Variants in ABI2 observed in about 807,000 individuals in gnomAD.
The protein encoded by ABI2 is abelson interactor 2.
Under a neutral mutation model 59.2 loss-of-function variants are expected in ABI2, and 25 were observed. The observed-to-expected ratio is 0.42, with a 90% CI of 0.31 to 0.59. The LOEUF is 0.59. Ranked by LOEUF, ABI2 falls within the 20% of genes least tolerant of loss-of-function variation. ABI2 has a pLI of 0.14. For missense variants in ABI2, 545 were observed against 681.8 expected, an observed-to-expected ratio of 0.80 and a Z score of 2.23; for synonymous variants, 213 against 235.5, an observed-to-expected ratio of 0.90 and a Z score of 0.87.
chr2:203,360,390 T>C (rs574749020), intron 1 of ABI2, among the ~76,000 whole-genome samples: 35 of 152,150 alleles, frequency 2.3e-4, no homozygotes, highest in Middle Eastern at 6.8e-3. Context: ...GGCGAAGTGT[T>C]GGGTGGAGCA....
Position 203,427,576 on chromosome 2 carries a change from A to G in ABI2, c.*224A>G. 2.3e-6 allele frequency: 1 copy of G among 430,570 alleles called. No homozygotes were observed. The highest frequency in any genetic ancestry group is 4.2e-6 in the Non-Finnish European group (1 of 240,718). The allele number at this position is 430,570 out of a possible 1,614,324, so 26.7% of individuals were successfully genotyped here. A position where few individuals can be genotyped will look rare whatever the true frequency, so the allele number is the denominator to read the frequency against. The stretch of plus-strand genomic sequence containing the variant: ...TACAATGCTGAGCTGTCTGGATTGA[A>G]ATAAAATGACCATTTTTATGTATGT... On this transcript the variant is annotated 3_prime_UTR_variant, in exon 12 of 12. Transcript: ENST00000261018.
intron 1 of ABI2, among the ~76,000 whole-genome samples, chr2:203,335,052 A>C (rs935036427): frequency 6.6e-5 from 10 of 152,064 alleles, no homozygotes; most frequent in African/African-American, 1.2e-4. Flanking sequence ...AACACATTCT[A>C]TTTTGGATTT....
intron 11 of ABI2, among the ~76,000 whole-genome samples, chr2:203,424,111 A>G (rs868157020): frequency 1.3e-5 from 2 of 152,346 alleles, no homozygotes; most frequent in Middle Eastern, 6.8e-3. Flanking sequence ...GGAAAAAGTG[A>G]CTTTCTTCCC....
chr2:203,345,620 T>C (rs532596134), intron 1 of ABI2, among the ~76,000 whole-genome samples: 33 of 151,920 alleles, frequency 2.2e-4, no homozygotes, highest in African/African-American at 7.2e-4. Context: ...TCTTGGCCAG[T>C]CTGGTCTCGA....
At chr2:203,354,577 G>T (rs984343700) in intron 1 of ABI2, among the ~76,000 whole-genome samples, 1 of 152,220 alleles carries the variant, frequency 6.6e-6, no homozygotes, top group Non-Finnish European at 1.5e-5. Context: ...TTTTGTAGAT[G>T]CTGTGGCAAA....
chr2:203,359,383 C>T (rs1048388392), intron 1 of ABI2, among the ~76,000 whole-genome samples: 2 of 152,038 alleles, frequency 1.3e-5, no homozygotes, highest in Non-Finnish European at 1.5e-5. Flanking sequence ...TTAGAGTATT[C>T]AGCCTGTAGT....
At chr2:203,374,325 C>A (rs1008541914) in intron 2 of ABI2, among the ~76,000 whole-genome samples, 3 of 151,748 alleles carry the variant, frequency 2.0e-5, no homozygotes, top group South Asian at 4.2e-4. Context: ...CATAGTGAAA[C>A]CCTGTCGCTA....
intron 1 of ABI2, among the ~76,000 whole-genome samples, chr2:203,352,709 T>C (rs1344001516): frequency 2.6e-5 from 4 of 151,998 alleles, no homozygotes. Flanking sequence ...AGAGAGAAAA[T>C]TTAAGAAATA....
At chr2:203,415,970 A>G (rs1035625807) in intron 10 of ABI2, among the ~76,000 whole-genome samples, 1 of 152,234 alleles carries the variant, frequency 6.6e-6, no homozygotes, top group African/African-American at 2.4e-5. Flanking sequence ...TAGCCTGAAG[A>G]AATTCTGAAT....
At chr2:203,393,054 G>A (rs1389976897) in intron 5 of ABI2, among the ~76,000 whole-genome samples, 2 of 151,920 alleles carry the variant, frequency 1.3e-5, no homozygotes, top group African/African-American at 4.8e-5. Context: ...GGATGCAACA[G>A]AACTTATTTT....
intron 1 of ABI2, among the ~76,000 whole-genome samples, chr2:203,344,835 A>G (rs1415017830): frequency 1.9e-4 from 29 of 152,164 alleles, no homozygotes; most frequent in Non-Finnish European, 4.4e-5. Flanking sequence ...TGCACTTTGT[A>G]AAAACGCACC....
At chr2:203,397,172 G>T (rs886561219) in intron 8 of ABI2, among the ~76,000 whole-genome samples, 1 of 152,036 alleles carries the variant, frequency 6.6e-6, no homozygotes, top group Admixed American at 6.6e-5. Flanking sequence ...TTTTCCAATA[G>T]GGTAGCATAA....
intron 1 of ABI2, among the ~76,000 whole-genome samples, chr2:203,344,852 C>T (rs148691855): frequency 7.8e-4 from 118 of 152,152 alleles, no homozygotes; most frequent in African/African-American, 2.3e-3. Context: ...CACCAGTCAG[C>T]GCTCTGTGTC....
chr2:203,388,728 AGATT>A (rs559382053), intron 4 of ABI2, among the ~76,000 whole-genome samples: 3 of 152,228 alleles, frequency 2.0e-5, no homozygotes, highest in South Asian at 4.2e-4. Flanking sequence ...TTTAATATAT[AGATT>A]GTTTATTTTA....
At chr2:203,404,367 T>G (rs770449460) in intron 9 of ABI2, among the ~76,000 whole-genome samples, 2 of 152,254 alleles carry the variant, frequency 1.3e-5, no homozygotes, top group Non-Finnish European at 2.9e-5. Context: ...ACTGCCTTAA[T>G]TGATATATAC....
intron 10 of ABI2, among the ~76,000 whole-genome samples, chr2:203,412,027 T>C (rs1318176387): frequency 6.6e-6 from 1 of 152,178 alleles, no homozygotes; most frequent in Non-Finnish European, 1.5e-5. Context: ...GGGCAGTCTT[T>C]GCGAGGGCCA....
chr2:203,357,840 C>G (rs554336838), intron 1 of ABI2, among the ~76,000 whole-genome samples: 1 of 152,050 alleles, frequency 6.6e-6, no homozygotes, highest in African/African-American at 2.4e-5. Flanking sequence ...GCAGTCTTGG[C>G]TCACTGCAGC....
chr2:203,411,284 G>A lies in ABI2; in HGVS notation c.1193-1G>A, dbSNP rs1264084116. ...CCTCCACACCTTTTTTGTTTTTGCA[G>A]TATCTCTTGCTCCTCCTCCTCCCTC... On this transcript the variant is annotated splice_acceptor_variant, in intron 9 of 11. Transcript: ENST00000261018. LOFTEE classifies it high-confidence loss of function. The A allele has an allele frequency of 1.2e-6, 2 of 1,612,778 alleles. No homozygotes were observed. The highest frequency in any genetic ancestry group is 1.7e-5 in the Admixed American group (1 of 59,978).
chr2:203,346,966 T>C (rs542288782), intron 1 of ABI2, among the ~76,000 whole-genome samples: 18 of 152,362 alleles, frequency 1.2e-4, no homozygotes, highest in Middle Eastern at 3.4e-3. Flanking sequence ...TCATTTCTTA[T>C]CTTATAAACT....
Sources: gnomAD v4.1 joint callset for allele counts (sites outside exome capture counted in the v4.1 genomes callset) on GRCh38, gnomAD v4.1.1 for gene constraint, MANE v1.5 for transcripts, NCBI Gene and HGNC (gene_info 2026-07-23, HGNC 2026-07-21) for gene names.